SLC4A4: variants seen among roughly 807,000 people sequenced by gnomAD.
The protein encoded by SLC4A4 is solute carrier family 4 member 4, also known as electrogenic sodium bicarbonate cotransporter 1.
In SLC4A4, 27 loss-of-function variants were observed where a neutral mutation model predicts 111.5. The ratio of observed to expected loss-of-function variants is 0.24; its 90% CI spans 0.18 to 0.33. The LOEUF is 0.33. Ranked by LOEUF, SLC4A4 falls within the 10% of genes least tolerant of loss-of-function variation. SLC4A4 has a pLI of 1.00. For missense variants in SLC4A4, 909 were observed against 1,315.5 expected, an observed-to-expected ratio of 0.69 and a Z score of 4.78; for synonymous variants, 443 against 463.4, an observed-to-expected ratio of 0.96 and a Z score of 0.57.
At chr4:71,547,572 T>G in intron 19 of SLC4A4, 76 bp from the exon 20 acceptor site, 1 of 1,222,864 alleles carries the variant, frequency 8.2e-7, no homozygotes, top group Non-Finnish European at 1.2e-6. Flanking sequence ...AATGTGTAGT[T>G]TTTTTGAAGG....
chr4:71,569,518 A>C lies in SLC4A4; in HGVS notation c.*1767A>C, dbSNP rs1737774645. The C allele has an allele frequency of 6.6e-6, 1 of 151,750 alleles. No individual in the cohort carries two copies. Among genetic ancestry groups the C allele is most frequent in the African/African-American group, 2.4e-5 (1 of 41,382 alleles). The allele number at this position is 151,750 out of a possible 1,614,324, so 9.4% of individuals were successfully genotyped here. A position where few individuals can be genotyped will look rare whatever the true frequency, so the allele number is the denominator to read the frequency against. On this transcript the variant is annotated 3_prime_UTR_variant, in exon 26 of 26. Transcript: ENST00000264485. ...ATTAACCAAATTTAACGTGGTATTT[A>C]AAGGTAATATTTTTAATATGATACA...
chr4:71,099,351 G>T (rs531644900), intron 2 of SLC4A4, among the ~76,000 whole-genome samples: 1 of 152,222 alleles, frequency 6.6e-6, no homozygotes, highest in Non-Finnish European at 1.5e-5. Flanking sequence ...AATGACTTTT[G>T]GGTAAATAAC....
At chr4:71,247,275 A>G (rs1056661754) in intron 2 of SLC4A4, among the ~76,000 whole-genome samples, 1 of 148,226 alleles carries the variant, frequency 6.7e-6, no homozygotes, top group Admixed American at 6.8e-5. Context: ...TACTAATACA[A>G]TATAAGATAT....
chr4:71,248,104 G>A (rs1045332346), intron 2 of SLC4A4, among the ~76,000 whole-genome samples: 4 of 152,224 alleles, frequency 2.6e-5, no homozygotes, highest in East Asian at 3.9e-4. Flanking sequence ...TAAAACTGCC[G>A]ATTAAGGGAC....
Position 71,537,443 on chromosome 4 carries a change from G to A in SLC4A4, c.2442+3055G>A, listed in dbSNP as rs72651803. 2.1e-3 allele frequency among the ~76,000 whole-genome samples: 146 copies of A among 69,302 alleles called. 1 individual carries two copies. Among genetic ancestry groups the A allele is most frequent in the African/African-American group, 6.4e-3 (120 of 18,826 alleles). The allele number at this position is 69,302 out of a possible 152,430, so 45.5% of individuals were successfully genotyped here. ...TATATACATATATGTGTGTGTGTGTGTATATATAGAGAGAGAGAGAAAGAG... is the reference window on the plus strand; with the variant it reads ...TATATACATATATGTGTGTGTGTGTATATATATAGAGAGAGAGAGAAAGAG... On this transcript the variant is annotated intron_variant, in intron 18 of 25. Transcript: ENST00000264485.
intron 2 of SLC4A4, among the ~76,000 whole-genome samples, chr4:71,239,734 T>C (rs909126921): frequency 1.3e-5 from 2 of 152,234 alleles, no homozygotes; most frequent in Admixed American, 1.3e-4. Context: ...AAAGAGATAC[T>C]CTTTCAAAAT....
intron 1 of SLC4A4, among the ~76,000 whole-genome samples, chr4:71,204,950 C>T (rs186153120): frequency 1.4e-3 from 220 of 152,278 alleles, no homozygotes; most frequent in African/African-American, 5.1e-3. Flanking sequence ...GGGGTTAACA[C>T]GTACATCTTA....
At chr4:71,444,977 G>A (rs1725092345) in intron 8 of SLC4A4, among the ~76,000 whole-genome samples, 1 of 152,120 alleles carries the variant, frequency 6.6e-6, no homozygotes, top group South Asian at 2.1e-4. Flanking sequence ...CACCATGTTG[G>A]TTTGGCCCTT....
chr4:71,096,081 G>A (rs1742538047), intron 2 of SLC4A4, among the ~76,000 whole-genome samples: 1 of 152,160 alleles, frequency 6.6e-6, no homozygotes, highest in South Asian at 2.1e-4. Context: ...GCATGAGGAA[G>A]GCCGGGAGAG....
intron 7 of SLC4A4, among the ~76,000 whole-genome samples, chr4:71,409,366 G>T (rs911076458): frequency 1.3e-4 from 20 of 152,184 alleles, no homozygotes; most frequent in African/African-American, 4.8e-4. Flanking sequence ...TGAACAATAA[G>T]GTTCAGGCTG....
At chr4:71,511,175 T>G (rs1361033008) in intron 16 of SLC4A4, among the ~76,000 whole-genome samples, 1 of 152,176 alleles carries the variant, frequency 6.6e-6, no homozygotes, top group Non-Finnish European at 1.5e-5. Context: ...ATTAATTTTC[T>G]GAACTTAACT....
At chr4:71,141,179 A>G (rs558061627) in intron 2 of SLC4A4, among the ~76,000 whole-genome samples, 2 of 152,296 alleles carry the variant, frequency 1.3e-5, no homozygotes, top group South Asian at 4.1e-4. Context: ...CCCATTCCCC[A>G]GCCTCTGTAA....
At chr4:71,546,301 A>G (rs1735516461) in intron 18 of SLC4A4, 49 bp from the exon 19 acceptor site, 2 of 1,481,384 alleles carry the variant, frequency 1.4e-6, no homozygotes, top group East Asian at 4.5e-5. Flanking sequence ...ATGACTAGAT[A>G]GCGAATATGA....
chr4:71,405,373 G>A (rs1475284225), intron 7 of SLC4A4, among the ~76,000 whole-genome samples: 1 of 151,966 alleles, frequency 6.6e-6, no homozygotes, highest in East Asian at 1.9e-4. Flanking sequence ...AAATGTGATT[G>A]TATTGTTCTA....
intron 7 of SLC4A4, among the ~76,000 whole-genome samples, chr4:71,416,165 C>G (rs756993407): frequency 6.6e-6 from 1 of 152,116 alleles, no homozygotes; most frequent in Non-Finnish European, 1.5e-5. Context: ...AGACAGCCAG[C>G]CTTTGGTTTG....
At chr4:71,186,536 C>T (rs904272073), upstream of SLC4A4, among the ~76,000 whole-genome samples, 1 of 152,034 alleles carries the variant, frequency 6.6e-6, no homozygotes, top group Non-Finnish European at 1.5e-5. Flanking sequence ...GCGGCCGGTC[C>T]GGAGCCGGGT....
At chr4:71,116,416 A>C (rs1282411205) in intron 2 of SLC4A4, among the ~76,000 whole-genome samples, 1 of 152,238 alleles carries the variant, frequency 6.6e-6, no homozygotes, top group Non-Finnish European at 1.5e-5. Flanking sequence ...CCTTTAATAC[A>C]AAACGAGTCA....
At chr4:71,271,141 A>C (rs1722678204) in intron 3 of SLC4A4, among the ~76,000 whole-genome samples, 1 of 152,134 alleles carries the variant, frequency 6.6e-6, no homozygotes, top group South Asian at 2.1e-4. Context: ...TTAAATGTTC[A>C]CTTCTCTGAT....
intron 24 of SLC4A4, among the ~76,000 whole-genome samples, chr4:71,565,220 G>A (rs9995289): frequency 0.9 from 137,340 of 151,828 alleles, 63,418 homozygotes; most frequent in Non-Finnish European, 0.99. Flanking sequence ...CCCATGGAGA[G>A]GATATTTCCT....
Sources: allele counts gnomAD v4.1 joint callset (sites outside exome capture counted in the v4.1 genomes callset), GRCh38; gene constraint gnomAD v4.1.1; transcripts MANE v1.5; gene names NCBI Gene and HGNC (gene_info 2026-07-23, HGNC 2026-07-21).